Variants in NKX2-2 observed in about 807,000 individuals in gnomAD.
NKX2-2 encodes NK2 homeobox 2, also known as homeobox protein Nkx-2.2.
NKX2-2 carries 8 observed loss-of-function variants against 24.6 expected under a neutral mutation model. The observed-to-expected ratio is 0.32, with a 90% CI of 0.19 to 0.59. The LOEUF is 0.59. Among genes scored for constraint, NKX2-2 ranks in the 20% least tolerant of loss-of-function variants. The pLI is 0.86. For synonymous variants in NKX2-2, 217 were observed against 173.3 expected, an observed-to-expected ratio of 1.25 and a Z score of -1.98; for missense variants, 381 against 373.9, an observed-to-expected ratio of 1.02 and a Z score of -0.16.
chr20:21,512,917 CG>C (rs1486944806), intron 1 of NKX2-2, among the ~76,000 whole-genome samples: 1 of 152,180 alleles, frequency 6.6e-6, no homozygotes, highest in Non-Finnish European at 1.5e-5. Context: ...TTTCTGCTTT[CG>C]GGCCTTCTAG....
Position 21,513,396 on chromosome 20 carries a change from A to C in NKX2-2, c.259+15T>G, listed in dbSNP as rs751546419. On this transcript the variant is annotated intron_variant, in intron 1 of 1. Transcript: ENST00000377142. This position sits in a 1 kb window ranked among gnomAD's most constrained non-coding sequence, Gnocchi z 4.6. ...GAGGGGACCACGGCCTCGGCAGCCAAGTTTTGCTACTTACGGGAGTACTGA... is the reference window on the plus strand; with the variant it reads ...GAGGGGACCACGGCCTCGGCAGCCACGTTTTGCTACTTACGGGAGTACTGA... 1 of 1,514,530 alleles carries C rather than the reference A, an allele frequency of 6.6e-7. No homozygotes were observed. Among genetic ancestry groups the C allele is most frequent in the Non-Finnish European group, 8.9e-7 (1 of 1,129,872 alleles). The allele number at this position is 1,514,530 out of a possible 1,614,324, so 93.8% of individuals were successfully genotyped here.
At chr20:21,515,604 G>C (rs905041831), upstream of NKX2-2, among the ~76,000 whole-genome samples, 1 of 151,866 alleles carries the variant, frequency 6.6e-6, no homozygotes, top group African/African-American at 2.4e-5. Context: ...TTTTGGGGGG[G>C]GGGTGCAGGG....
upstream of NKX2-2, among the ~76,000 whole-genome samples, chr20:21,518,322 A>G (rs888638267): frequency 2.0e-5 from 3 of 152,298 alleles, no homozygotes; most frequent in African/African-American, 4.8e-5. Context: ...GATTCCGTAC[A>G]CATCTCTAGC....
In NKX2-2 at chr20:21,512,548, A is replaced by T. The variant is rs991445587; in HGVS notation, c.260-63T>A. On this transcript the variant is annotated intron_variant, in intron 1 of 1. Transcript: ENST00000377142. ...GGAGGCCGCGCGCAGCCTGCACCAG[A>T]CTCGGAGCACCCTGGATCCTCCGTG... The T allele has an allele frequency of 1.1e-5, 14 of 1,254,506 alleles. No homozygotes were observed. The African/African-American group carries it at 1.9e-4, about 17-fold the overall frequency. 77.7% of individuals were successfully genotyped at this position (1,254,506 alleles called of 1,614,324 possible). A position where few individuals can be genotyped will look rare whatever the true frequency, so the allele number is the denominator to read the frequency against.
At position 21,513,455 on chromosome 20, in the gene NKX2-2, G is replaced by A. The variant is rs375790419; in HGVS notation, c.215C>T (p.Pro72Leu). The A allele has an allele frequency of 3.7e-6, 6 of 1,602,124 alleles. No individual in the cohort carries two copies. Among genetic ancestry groups the A allele is most frequent in the East Asian group, 2.3e-5 (1 of 43,780 alleles). The change falls in exon 1 of 2, where the codon CCG (proline) becomes CTG (leucine). Residue 72 changes from proline to leucine, a missense_variant. Pro to Leu is a moderately conservative substitution (Grantham distance 98, BLOSUM62 -3). Around this residue, in one of 3 missense-constraint regions of NKX2-2, gnomAD observed 206 missense variants for 173.1 expected, o/e 1.19. Coordinates refer to ENST00000377142, the MANE Select transcript of NKX2-2 (RefSeq NM_002509.4). The surrounding 1 kb of genome is among the most constrained non-coding windows in gnomAD (Gnocchi z 4.6). ...KNPFYDSSDNPYTRWLASTEG... is the reference protein window; with the variant it reads ...KNPFYDSSDNLYTRWLASTEG... ...GGTGCTGGCCAGCCAGCGCGTGTAC[G>A]GGTTGTCGCTGCTGTCGTAGAAGGG... is the stretch of plus-strand genomic sequence containing the variant.
chr20:21,511,847 G>T lies in NKX2-2; in HGVS notation c.*76C>A. 1 of 1,088,082 alleles carries T rather than the reference G, an allele frequency of 9.2e-7. No individual in the cohort carries two copies. The highest frequency in any genetic ancestry group is 1.3e-6 in the Non-Finnish European group (1 of 761,880). 67.4% of individuals were successfully genotyped at this position (1,088,082 alleles called of 1,614,324 possible). A position where few individuals can be genotyped will look rare whatever the true frequency, so the allele number is the denominator to read the frequency against. The stretch of plus-strand genomic sequence containing the variant: ...TAATAATAATAATAACCACCATAAG[G>T]ACCGAGGCCTCCTCGCCGCCACCGC... On this transcript the variant is annotated 3_prime_UTR_variant, in exon 2 of 2. Transcript: ENST00000377142.
the NKX2-2 span, among the ~76,000 whole-genome samples, chr20:21,521,822 C>T: frequency 5.3e-5 from 8 of 151,218 alleles, no homozygotes; most frequent in Non-Finnish European, 1.2e-4. Flanking sequence ...GCCTTCTACT[C>T]CCGGAGCTGC....
Position 21,513,943 on chromosome 20 carries a change from G to T in NKX2-2, c.-274C>A, listed in dbSNP as rs916812513. ...GGACGCAGGAAGCCGGGCGGCCTGCGCGCCGAGCGCCGCGGGCCCCGGCCT... is the reference window on the plus strand; with the variant it reads ...GGACGCAGGAAGCCGGGCGGCCTGCTCGCCGAGCGCCGCGGGCCCCGGCCT... On this transcript the variant is annotated 5_prime_UTR_variant, in exon 1 of 2. Transcript: ENST00000377142. This position sits in a 1 kb window ranked among gnomAD's most constrained non-coding sequence, Gnocchi z 4.6. 4.1e-6 allele frequency: 1 copy of T among 245,650 alleles called. No homozygotes were observed. Among genetic ancestry groups the T allele is most frequent in the Admixed American group, 5.6e-5 (1 of 17,820 alleles). 15.2% of individuals were successfully genotyped at this position (245,650 alleles called of 1,614,324 possible). A position where few individuals can be genotyped will look rare whatever the true frequency, so the allele number is the denominator to read the frequency against.
chr20:21,519,482 C>G, the NKX2-2 span, among the ~76,000 whole-genome samples: 2 of 152,166 alleles, frequency 1.3e-5, no homozygotes, highest in African/African-American at 4.8e-5. Flanking sequence ...AGACTCAGAG[C>G]GTGGCATGCA....
chr20:21,520,476 A>C, the NKX2-2 span, among the ~76,000 whole-genome samples: 2 of 152,204 alleles, frequency 1.3e-5, no homozygotes, highest in African/African-American at 4.8e-5. Context: ...CTGCGGGCAT[A>C]TGTTAGGACT....
At position 21,511,908 on chromosome 20, in the gene NKX2-2, T is replaced by G; in HGVS notation, c.*15A>C. The stretch of plus-strand genomic sequence containing the variant: ...GGGCCTGGGCCTGGGGCCGCGAGTC[T>G]CGTTGGGGCGGCGCTCACCAAGTCC... On this transcript the variant is annotated 3_prime_UTR_variant, in exon 2 of 2. Coordinates refer to ENST00000377142, the MANE Select transcript of NKX2-2 (RefSeq NM_002509.4). 1 of 1,556,784 alleles carries G rather than the reference T, an allele frequency of 6.4e-7. No individual in the cohort carries two copies. The highest frequency in any genetic ancestry group is 8.7e-7 in the Non-Finnish European group (1 of 1,153,680).
upstream of NKX2-2, among the ~76,000 whole-genome samples, chr20:21,518,053 C>T (rs1005822045): frequency 6.6e-6 from 1 of 152,204 alleles, no homozygotes; most frequent in African/African-American, 2.4e-5. Flanking sequence ...TCCTCCGTTC[C>T]GTCAAGTTTG....
chr20:21,522,440 G>C, the NKX2-2 span, among the ~76,000 whole-genome samples: 200 of 152,222 alleles, frequency 1.3e-3, 1 homozygote, highest in South Asian at 0.011. Context: ...GCCTGGCAGC[G>C]AGGGCGACGC....
rs941541410 is a variant in NKX2-2 at position 21,512,381 on chromosome 20, C to T, written c.364G>A (p.Gly122Arg). The T allele has an allele frequency of 1.2e-6, 2 of 1,602,826 alleles. No homozygotes were observed. Among genetic ancestry groups the T allele is most frequent in the Admixed American group, 1.7e-5 (1 of 57,964 alleles). The change falls in exon 2 of 2, where the codon GGG becomes AGG. Residue 122 changes from glycine to arginine, a missense_variant. By Grantham distance (125) the Gly-to-Arg change is moderately radical. This residue lies in a region of NKX2-2 where 206 missense variants were observed against 173.1 expected (regional missense o/e 1.19). Coordinates refer to ENST00000377142, the MANE Select transcript of NKX2-2 (RefSeq NM_002509.4). The part of the protein sequence containing the change: ...PDNDKETPGG[G>R]GDAGKKRKRR... Reference sequence around the variant, plus strand: ...TTTCGCTTCTTGCCGGCGTCCCCCCCGCCGCCCGGGGTCTCCTTGTCATTG... The same window carrying T: ...TTTCGCTTCTTGCCGGCGTCCCCCCTGCCGCCCGGGGTCTCCTTGTCATTG...
rs964003215 is a variant in NKX2-2, at chr20:21,511,675, G to T, written c.*248C>A. On this transcript the variant is annotated 3_prime_UTR_variant, in exon 2 of 2. Transcript: ENST00000377142. Reference sequence around the variant, plus strand: ...TGCGCAAACATTCTGTAAACACGGCGTAGAGTTCAGCCCTCTCCCAAGGTT... The same window carrying T: ...TGCGCAAACATTCTGTAAACACGGCTTAGAGTTCAGCCCTCTCCCAAGGTT... 52 of 378,168 alleles carry T rather than the reference G, an allele frequency of 1.4e-4. No homozygotes were observed. The East Asian group carries it at 2.0e-3, about 14-fold the overall frequency. 23.4% of individuals were successfully genotyped at this position (378,168 alleles called of 1,614,324 possible). A position where few individuals can be genotyped will look rare whatever the true frequency, so the allele number is the denominator to read the frequency against.
rs557375549 is a variant in NKX2-2, at chr20:21,513,033, G to A, written c.259+378C>T. Among the ~76,000 whole-genome samples the A allele has an allele frequency of 5.9e-5, 9 of 152,150 alleles. No homozygotes were observed. Among genetic ancestry groups the A allele is most frequent in the African/African-American group, 2.2e-4 (9 of 41,446 alleles). The stretch of plus-strand genomic sequence containing the variant: ...GCCTCCCCACCCTCCACCCGTACCC[G>A]GACGAGGCTCGCTGGCTACCTCCAG... On this transcript the variant is annotated intron_variant, in intron 1 of 1. Coordinates refer to ENST00000377142, the MANE Select transcript of NKX2-2 (RefSeq NM_002509.4). This position sits in a 1 kb window ranked among gnomAD's most constrained non-coding sequence, Gnocchi z 4.6.
Position 21,512,360 on chromosome 20 carries a change from G to C in NKX2-2, c.385C>G (p.Arg129Gly). ...PGGGGDAGKK[R>G]KRRVLFSKAQ... Reference sequence around the variant, plus strand: ...TTGGAGAAAAGCACTCGCCGCTTTCGCTTCTTGCCGGCGTCCCCCCCGCCG... The same window carrying C: ...TTGGAGAAAAGCACTCGCCGCTTTCCCTTCTTGCCGGCGTCCCCCCCGCCG... The change falls in exon 2 of 2, where the codon CGA becomes GGA. Residue 129 changes from arginine (R) to glycine (G), a missense_variant. By Grantham distance (125) the Arg-to-Gly change is moderately radical. This residue lies in a region of NKX2-2 where 206 missense variants were observed against 173.1 expected (regional missense o/e 1.19). Transcript: ENST00000377142. 1.2e-6 allele frequency: 2 copies of C among 1,608,914 alleles called. No homozygotes were observed. The highest frequency in any genetic ancestry group is 1.7e-6 in the Non-Finnish European group (2 of 1,178,270).
In NKX2-2 at chr20:21,512,407, T is replaced by G; in HGVS notation, c.338A>C (p.Asp113Ala). 1 of 1,598,090 alleles carries G rather than the reference T, an allele frequency of 6.3e-7. No homozygotes were observed. The highest frequency in any genetic ancestry group is 2.2e-5 in the East Asian group (1 of 44,502). Residue 113 changes from aspartate to alanine, a missense_variant, in exon 2 of 2, where the codon GAC becomes GCC. Physicochemically the swap from Asp to Ala is moderately radical, Grantham distance 126. Around this residue, in one of 3 missense-constraint regions of NKX2-2, gnomAD observed 206 missense variants for 173.1 expected, o/e 1.19. Coordinates refer to ENST00000377142, the MANE Select transcript of NKX2-2 (RefSeq NM_002509.4). ...SPEPSADESPDNDKETPGGGG... is the reference protein window; with the variant it reads ...SPEPSADESPANDKETPGGGG... ...GCCGCCCGGGGTCTCCTTGTCATTG[T>G]CCGGTGACTCGTCGGCCGAGGGCTC...
the NKX2-2 span, among the ~76,000 whole-genome samples, chr20:21,522,293 C>T: frequency 6.6e-6 from 1 of 152,188 alleles, no homozygotes; most frequent in Non-Finnish European, 1.5e-5. Flanking sequence ...CCGGGGTCCG[C>T]CGTGAACCCG....
Sources: gnomAD v4.1 joint callset for allele counts (sites outside exome capture counted in the v4.1 genomes callset) on GRCh38, gnomAD v4.1.1 for gene constraint, gnomAD v4.1.1 regional missense constraint, Gnocchi (gnomAD v3.1) non-coding constraint, MANE v1.5 for transcripts, NCBI Gene and HGNC (gene_info 2026-07-23, HGNC 2026-07-21) for gene names.